The following ANKRD42 variants were observed in gnomAD, a reference collection of about 807,000 sequenced individuals.
ANKRD42 encodes ankyrin repeat domain-containing protein 42.
ANKRD42 carries 43 observed loss-of-function variants against 51.5 expected under a neutral mutation model. The ratio of observed to expected loss-of-function variants is 0.83; its 90% CI spans 0.65 to 1.08. ANKRD42 has a LOEUF of 1.08. Among genes scored for constraint, ANKRD42 ranks in the 50% least tolerant of loss-of-function variants. The pLI, the probability that ANKRD42 is intolerant of heterozygous loss-of-function variation, is 0.00. For synonymous variants in ANKRD42, 203 were observed against 213.0 expected (o/e 0.95, Z 0.41); for missense variants, 608 against 629.3 (o/e 0.97, Z 0.36).
downstream of ANKRD42, among the ~76,000 whole-genome samples, chr11:83,264,221 G>A (rs554370): frequency 0.26 from 40,079 of 151,998 alleles, 5,465 homozygotes; most frequent in Middle Eastern, 0.41. Flanking sequence ...TACATAAATT[G>A]TGGCATTTTC....
chr11:83,194,657 G>A lies in ANKRD42; in HGVS notation c.-14G>A. ...CTGGACTCAACTCCTCCCCAGAGTC[G>A]GAGGTGTTGCGCCATGCCCGGGGTG... On this transcript the variant is annotated 5_prime_UTR_variant, in exon 1 of 11. Coordinates refer to ENST00000533342, the MANE Select transcript of ANKRD42 (RefSeq NM_001300975.2). 1.9e-6 allele frequency: 3 copies of A among 1,613,778 alleles called. No individual in the cohort carries two copies. Among genetic ancestry groups the A allele is most frequent in the Non-Finnish European group, 2.5e-6 (3 of 1,179,972 alleles).
chr11:83,230,635 G>T, intron 7 of ANKRD42, among the ~76,000 whole-genome samples: 1 of 151,692 alleles, frequency 6.6e-6, no homozygotes. Context: ...CGCCCAGGCT[G>T]GAGTGCAGTG....
At chr11:83,256,110 G>A (rs1156239425), downstream of ANKRD42, 3 of 448,566 alleles carry the variant, frequency 6.7e-6, no homozygotes, top group Non-Finnish European at 1.2e-5. Context: ...CACGGACTCA[G>A]TTGTGCACCT....
At chr11:83,223,989 T>C (rs1175149602) in intron 5 of ANKRD42, among the ~76,000 whole-genome samples, 1 of 151,730 alleles carries the variant, frequency 6.6e-6, no homozygotes, top group African/African-American at 2.4e-5. Flanking sequence ...TGGCTGTCCC[T>C]GAGTCTCATC....
chr11:83,225,121 T>C (rs1862837657), intron 6 of ANKRD42, 66 bp downstream of exon 6: 1 of 1,371,016 alleles, frequency 7.3e-7, no homozygotes, highest in Non-Finnish European at 1.0e-6. Context: ...ATATAATGAG[T>C]AGAATCAATG....
chr11:83,217,373 C>A (rs1198729159), intron 5 of ANKRD42, among the ~76,000 whole-genome samples: 1 of 152,178 alleles, frequency 6.6e-6, no homozygotes. Context: ...GGGTGTGGGA[C>A]TTTTGGGCAT....
At chr11:83,211,760 C>A (rs1862330236) in intron 5 of ANKRD42, among the ~76,000 whole-genome samples, 1 of 152,140 alleles carries the variant, frequency 6.6e-6, no homozygotes, top group African/African-American at 2.4e-5. Context: ...TGTGATTGCA[C>A]CACTGCACTC....
downstream of ANKRD42, chr11:83,257,296 A>C (rs1359497152): frequency 6.6e-6 from 3 of 456,000 alleles, no homozygotes; most frequent in South Asian, 4.6e-5. Context: ...GCCCAAAACC[A>C]GCGACAGATC....
chr11:83,227,953 C>CACATGAA (rs1862942159), intron 7 of ANKRD42, 81 bp downstream of exon 7: 1 of 1,481,462 alleles, frequency 6.8e-7, no homozygotes, highest in African/African-American at 1.4e-5. Context: ...CAGTCAGAAA[C>CACATGAA]ACATGAAACA....
At chr11:83,222,270 A>G (rs970000126) in intron 5 of ANKRD42, among the ~76,000 whole-genome samples, 1 of 152,178 alleles carries the variant, frequency 6.6e-6, no homozygotes, top group African/African-American at 2.4e-5. Flanking sequence ...GGAACTAGAA[A>G]CCCTCTCAAA....
At chr11:83,250,929 G>C (rs578057007), downstream of ANKRD42, among the ~76,000 whole-genome samples, 6 of 152,164 alleles carry the variant, frequency 3.9e-5, no homozygotes, top group East Asian at 1.2e-3. Flanking sequence ...ATAGAATTTT[G>C]GTATTTACTC....
intron 2 of ANKRD42, among the ~76,000 whole-genome samples, chr11:83,204,638 TAAAAAA>T (rs971566242): frequency 6.8e-6 from 1 of 146,412 alleles, no homozygotes. Flanking sequence ...AATCTAAAAT[TAAAAAA>T]AAAAGAAAAT....
intron 3 of ANKRD42, among the ~76,000 whole-genome samples, chr11:83,208,411 G>A (rs977836691): frequency 1.3e-5 from 2 of 151,936 alleles, no homozygotes; most frequent in African/African-American, 2.4e-5. Flanking sequence ...ATATTTACAC[G>A]TACACATAAA....
At chr11:83,217,148 G>T (rs1211360111) in intron 5 of ANKRD42, among the ~76,000 whole-genome samples, 1 of 152,172 alleles carries the variant, frequency 6.6e-6, no homozygotes, top group Non-Finnish European at 1.5e-5. Context: ...AGGCCCAAAG[G>T]CAAGTAATAG....
intron 5 of ANKRD42, among the ~76,000 whole-genome samples, chr11:83,216,217 A>C (rs907278684): frequency 1.3e-5 from 2 of 152,214 alleles, no homozygotes; most frequent in African/African-American, 4.8e-5. Flanking sequence ...TTATTGGAGT[A>C]TTCTAGGGTT....
In ANKRD42 at chr11:83,245,630, G is replaced by A; in HGVS notation, c.1322+6G>A. 1 of 1,533,650 alleles carries A rather than the reference G, an allele frequency of 6.5e-7. No individual in the cohort carries two copies. The highest frequency in any genetic ancestry group is 2.4e-5 in the East Asian group (1 of 40,884). ...GAACAGCTTGAGTCTGAAAAGTAAT[G>A]TCCTTAAAACTTTAATGATTTGTTT... On this transcript the variant is annotated splice_donor_region_variant and intron_variant, in intron 10 of 10. Transcript: ENST00000533342.
intron 5 of ANKRD42, chr11:83,213,076 G>C (rs746812677): frequency 1.2e-6 from 2 of 1,600,440 alleles, no homozygotes; most frequent in East Asian, 2.2e-5. Flanking sequence ...TCCGGCACCA[G>C]ACTGACTGAT....
At position 83,222,453 on chromosome 11, in the gene ANKRD42, G is replaced by A. The variant is rs575917431; in HGVS notation, c.587-2402G>A. On this transcript the variant is annotated intron_variant, in intron 5 of 10. Coordinates refer to ENST00000533342, the MANE Select transcript of ANKRD42 (RefSeq NM_001300975.2). ...CAAAATATATATTATATAGGGATAT[G>A]TGTTTAGATAAATGTAAAGTAGGAA... 3.9e-5 allele frequency among the ~76,000 whole-genome samples: 6 copies of A among 152,272 alleles called. No homozygotes were observed. In the South Asian group the frequency reaches 1.0e-3, roughly 26 times the overall value.
intron 2 of ANKRD42, among the ~76,000 whole-genome samples, chr11:83,202,048 TA>T (rs1168514009): frequency 6.6e-6 from 1 of 152,234 alleles, no homozygotes; most frequent in Non-Finnish European, 1.5e-5. Flanking sequence ...TTTGGTGTTT[TA>T]GTCATGAAGT....
Sources: allele counts gnomAD v4.1 joint callset (sites outside exome capture counted in the v4.1 genomes callset), GRCh38; gene constraint gnomAD v4.1.1; transcripts MANE v1.5; gene names NCBI Gene and HGNC (gene_info 2026-07-23, HGNC 2026-07-21).